The following GREB1 variants were observed in gnomAD, a reference collection of about 807,000 sequenced individuals.
The protein encoded by GREB1 is protein GREB1.
A neutral mutation model predicts 200.7 loss-of-function variants in GREB1; 106 were observed. The observed-to-expected ratio is 0.53, with a 90% CI of 0.45 to 0.62. GREB1 has a LOEUF of 0.62. Among genes scored for constraint, GREB1 ranks in the 20% least tolerant of loss-of-function variants. The pLI is 0.00. For synonymous variants in GREB1, 1,132 were observed against 1,092.4 expected (o/e 1.04, Z -0.72); for missense variants, 2,243 against 2,556.8 (o/e 0.88, Z 2.65).
chr2:11,513,370 A>G (rs186319645), intron 1 of GREB1, among the ~76,000 whole-genome samples: 15 of 152,220 alleles, frequency 9.9e-5, no homozygotes, highest in East Asian at 9.6e-4. Context: ...TGGGCATCTC[A>G]GGGAAGGAAG....
intron 1 of GREB1, among the ~76,000 whole-genome samples, chr2:11,537,710 TA>T (rs1674359741): frequency 1.4e-5 from 2 of 147,476 alleles, no homozygotes; most frequent in Admixed American, 6.8e-5. Flanking sequence ...ATATATTAGA[TA>T]AATATATGAT....
rs771758437 is a variant in GREB1, at chr2:11,593,068, C to T, written c.1638C>T (p.Tyr546=). 6 of 1,612,446 alleles carry T rather than the reference C, an allele frequency of 3.7e-6. No homozygotes were observed. In the East Asian group the frequency reaches 6.7e-5, roughly 18 times the overall value. Residue 546 remains tyrosine (Y), a synonymous_variant, in exon 11 of 33, where the codon TAC becomes TAT. Transcript: ENST00000381486. ...LVEGKLAKTN[Y]VVIICACRSA... is the part of the protein sequence containing the mutation. ...AGGGCAAGCTTGCCAAGACCAACTA[C>T]GTGGTCATCATCTGCGCCTGCCGCA...
intron 21 of GREB1, 74 bp downstream of exon 21, chr2:11,616,794 A>T (rs1683445616): frequency 1.2e-6 from 1 of 856,870 alleles, no homozygotes; most frequent in Non-Finnish European, 2.0e-6. Context: ...AAAGAAACCT[A>T]TAGAGGGCTA....
intron 1 of GREB1, among the ~76,000 whole-genome samples, chr2:11,538,298 G>T (rs980353321): frequency 4.6e-5 from 7 of 152,162 alleles, no homozygotes; most frequent in Non-Finnish European, 7.3e-5. Flanking sequence ...CAATTTTGGG[G>T]ACTGAGCCCA....
At chr2:11,572,405 T>G (rs1312080081) in intron 4 of GREB1, among the ~76,000 whole-genome samples, 2 of 152,202 alleles carry the variant, frequency 1.3e-5, no homozygotes, top group East Asian at 3.8e-4. Context: ...GCAGTAAACC[T>G]GGGCCATCTC....
chr2:11,580,498 G>A lies in GREB1; in HGVS notation c.773-206G>A, dbSNP rs533013295. On this transcript the variant is annotated intron_variant, in intron 6 of 32. Coordinates refer to ENST00000381486, the MANE Select transcript of GREB1 (RefSeq NM_014668.4). The surrounding 1 kb of genome is among the most constrained non-coding windows in gnomAD (Gnocchi z 4.5). ...GGCAGAAGTGTGTATGTGTGTACACGTGCATGGGGGTGTGTGTGTGTATGC... is the reference window on the plus strand; with the variant it reads ...GGCAGAAGTGTGTATGTGTGTACACATGCATGGGGGTGTGTGTGTGTATGC... 6.9e-4 allele frequency among the ~76,000 whole-genome samples: 105 copies of A among 152,284 alleles called. No homozygotes were observed. Among genetic ancestry groups the A allele is most frequent in the African/African-American group, 2.4e-3 (99 of 41,564 alleles).
At chr2:11,494,312 A>G (rs1461165359) in intron 1 of GREB1, among the ~76,000 whole-genome samples, 1 of 152,210 alleles carries the variant, frequency 6.6e-6, no homozygotes, top group Admixed American at 6.5e-5. Context: ...CACCCTCTGG[A>G]TCCTCTAGTG....
rs1682805642 is a variant in GREB1, at chr2:11,610,327, C to T, written c.2667-361C>T. On this transcript the variant is annotated intron_variant, in intron 17 of 32. Coordinates refer to ENST00000381486, the MANE Select transcript of GREB1 (RefSeq NM_014668.4). ...GTAGGAACCAGAGGCAACTTAGTCC[C>T]CTCCTCAGAGAGCTGCACATTGTGC... 2.6e-5 allele frequency among the ~76,000 whole-genome samples: 4 copies of T among 152,306 alleles called. No homozygotes were observed. In the South Asian group the frequency reaches 8.3e-4, roughly 32 times the overall value.
At position 11,620,963 on chromosome 2, in the gene GREB1, G is replaced by T; in HGVS notation, c.4103G>T (p.Arg1368Leu). ...AGTGTCCTGTCCAGGATGCTTGTTC[G>T]GCTCACAGAAGTGGATGTCTATGAC... ...FLSVLSRMLVRLTEVDVYDEE... is the reference protein window; with the variant it reads ...FLSVLSRMLVLLTEVDVYDEE... The change falls in exon 23 of 33, where the codon CGG becomes CTG. Residue 1368 changes from arginine (R) to leucine (L), a missense_variant. By Grantham distance (102) the Arg-to-Leu change is moderately radical. Around this residue, in one of 3 missense-constraint regions of GREB1, gnomAD observed 587 missense variants for 553.1 expected, o/e 1.06. Coordinates refer to ENST00000381486, the MANE Select transcript of GREB1 (RefSeq NM_014668.4). The T allele has an allele frequency of 6.2e-7, 1 of 1,612,776 alleles. No individual in the cohort carries two copies. The highest frequency in any genetic ancestry group is 8.5e-7 in the Non-Finnish European group (1 of 1,178,790).
At chr2:11,577,738 C>A (rs1047560261) in intron 5 of GREB1, among the ~76,000 whole-genome samples, 1 of 152,198 alleles carries the variant, frequency 6.6e-6, no homozygotes, top group Non-Finnish European at 1.5e-5. Flanking sequence ...CCCCCTCACA[C>A]CCGACTCTTC....
Position 11,587,735 on chromosome 2 carries a change from A to ACGCG in GREB1, c.1160-1010_1160-1009insGCGC, listed in dbSNP as rs1295717519. On this transcript the variant is annotated intron_variant, in intron 9 of 32. Transcript: ENST00000381486. ...CACACACACACACACACACACACACACACACACGCCACCTTTGGGAGCTCA... is the reference window on the plus strand; with the variant it reads ...CACACACACACACACACACACACACACGCGCACACACGCCACCTTTGGGAGCTCA... The ACGCG allele has an allele frequency of 3.3e-5, 36 of 1,091,862 alleles. 2 individuals carry two copies. In the South Asian group the frequency reaches 5.7e-4, roughly 17 times the overall value. The allele number at this position is 1,091,862 out of a possible 1,614,324, so 67.6% of individuals were successfully genotyped here.
intron 3 of GREB1, among the ~76,000 whole-genome samples, chr2:11,564,196 G>A (rs1423251625): frequency 6.6e-6 from 1 of 152,156 alleles, no homozygotes; most frequent in Non-Finnish European, 1.5e-5. Context: ...GTGATGAGAC[G>A]TGGTGTGAAG....
intron 1 of GREB1, among the ~76,000 whole-genome samples, chr2:11,514,004 TCTC>T (rs2148455598): frequency 6.6e-6 from 1 of 152,258 alleles, no homozygotes; most frequent in African/African-American, 2.4e-5. Flanking sequence ...TGAAGATTAA[TCTC>T]CTACTCACTG....
At chr2:11,576,295 GA>G in intron 4 of GREB1, 57 bp from the exon 5 acceptor site, 1 of 1,400,918 alleles carries the variant, frequency 7.1e-7, no homozygotes, top group Non-Finnish European at 9.8e-7. Context: ...TGACAAGAAC[GA>G]GACTTCATCT....
upstream of GREB1, among the ~76,000 whole-genome samples, chr2:11,529,204 T>A (rs1673984030): frequency 1.3e-5 from 2 of 152,286 alleles, no homozygotes; most frequent in South Asian, 4.1e-4. Flanking sequence ...CACATTGGAA[T>A]CTATTGTAGG....
chr2:11,615,019 GC>G, intron 19 of GREB1, 71 bp from the exon 20 acceptor site: 1 of 1,181,098 alleles, frequency 8.5e-7, no homozygotes, highest in African/African-American at 1.5e-5. Flanking sequence ...GATCAGTGCT[GC>G]CTGCCGCAGT....
Position 11,548,354 on chromosome 2 carries a change from CCCAA to C in GREB1, c.-161-8098_-161-8095del, listed in dbSNP as rs1169923771. Among the ~76,000 whole-genome samples, 1 of 141,086 alleles carries C rather than the reference CCCAA, an allele frequency of 7.1e-6. No homozygotes were observed. Among genetic ancestry groups the C allele is most frequent in the African/African-American group, 2.9e-5 (1 of 34,570 alleles). The allele number at this position is 141,086 out of a possible 152,430, so 92.6% of individuals were successfully genotyped here. ...CAGACACGTGCACACATGCATATAC[CCCAA>C]CACAGATGCACACACATACACACAC... On this transcript the variant is annotated intron_variant, in intron 1 of 32. Transcript: ENST00000381486. This position sits in a 1 kb window ranked among gnomAD's most constrained non-coding sequence, Gnocchi z 5.1.
At chr2:11,565,862 G>A (rs911071759) in intron 3 of GREB1, among the ~76,000 whole-genome samples, 3 of 151,932 alleles carry the variant, frequency 2.0e-5, no homozygotes, top group African/African-American at 4.8e-5. Flanking sequence ...AACATCAGAG[G>A]ACCCTCAGTT....
At chr2:11,511,041 T>G (rs1276836546) in intron 1 of GREB1, among the ~76,000 whole-genome samples, 1 of 152,178 alleles carries the variant, frequency 6.6e-6, no homozygotes, top group Non-Finnish European at 1.5e-5. Flanking sequence ...TTATTTGTTT[T>G]GGTGCTCAAA....
Sources: allele counts gnomAD v4.1 joint callset (sites outside exome capture counted in the v4.1 genomes callset), GRCh38; gene constraint gnomAD v4.1.1; regional missense constraint gnomAD v4.1.1; non-coding constraint Gnocchi (gnomAD v3.1); transcripts MANE v1.5; gene names NCBI Gene and HGNC (gene_info 2026-07-23, HGNC 2026-07-21).